Variants in SYT12 observed in about 807,000 individuals in gnomAD.
SYT12 encodes synaptotagmin 12.
A neutral mutation model predicts 39.5 loss-of-function variants in SYT12; 27 were observed. That is an observed-to-expected ratio of 0.68 (90% CI 0.50 to 0.94). The LOEUF (loss-of-function observed/expected upper bound fraction) is 0.94. Among genes scored for constraint, SYT12 ranks in the 40% least tolerant of loss-of-function variants. SYT12 has a pLI of 0.00. For missense variants in SYT12, 536 were observed against 572.6 expected, an observed-to-expected ratio of 0.94 and a Z score of 0.65; for synonymous variants, 233 against 239.7, an observed-to-expected ratio of 0.97 and a Z score of 0.26.
chr11:67,045,243 G>T (rs1950593986), intron 6 of SYT12, among the ~76,000 whole-genome samples: 1 of 151,784 alleles, frequency 6.6e-6, no homozygotes, highest in Non-Finnish European at 1.5e-5. Flanking sequence ...ACCAGGGGCT[G>T]GGGGAGCCTG....
chr11:67,037,356 G>A (rs1361247444), intron 3 of SYT12, among the ~76,000 whole-genome samples: 1 of 152,138 alleles, frequency 6.6e-6, no homozygotes, highest in African/African-American at 2.4e-5. Flanking sequence ...ATGTCCAACA[G>A]TGGGGAAGAG....
chr11:67,043,983 A>G (rs1950563284), intron 5 of SYT12, 130 bp downstream of exon 5: 2 of 900,544 alleles, frequency 2.2e-6, no homozygotes, highest in Non-Finnish European at 3.4e-6. Context: ...AGCAGAGAAG[A>G]AGACCTGAGC....
In SYT12 at chr11:67,043,703, C is replaced by T; in HGVS notation, c.687C>T (p.Ala229=). The change falls in exon 5 of 8, where the codon GCC becomes GCT. Residue 229 remains alanine, a synonymous_variant. Transcript: ENST00000527043. ...TCTCCATCCCCCTGGATCCCACAGC[C>T]CTGGAGGAGAAGAGCCTGCGGTTTT... ...EKFSIPLDPT[A]LEEKSLRFSV... The T allele has an allele frequency of 1.9e-6, 3 of 1,614,128 alleles. No individual in the cohort carries two copies. Among genetic ancestry groups the T allele is most frequent in the East Asian group, 2.2e-5 (1 of 44,888 alleles).
In SYT12 at chr11:67,050,419, C is replaced by G. The variant is rs1854716156; in HGVS notation, c.*1662C>G. The stretch of plus-strand genomic sequence containing the variant: ...CCATAACTGGTGAGCTATGGAGACC[C>G]AGGCCAACAAATTATCCCCAGTGAT... On this transcript the variant is annotated 3_prime_UTR_variant, in exon 8 of 8. Coordinates refer to ENST00000527043, the MANE Select transcript of SYT12 (RefSeq NM_177963.4). The G allele has an allele frequency of 6.6e-6, 1 of 152,542 alleles. No homozygotes were observed. The highest frequency in any genetic ancestry group is 2.1e-4 in the South Asian group (1 of 4,844). 9.4% of individuals were successfully genotyped at this position (152,542 alleles called of 1,614,324 possible). A position where few individuals can be genotyped will look rare whatever the true frequency, so the allele number is the denominator to read the frequency against.
At chr11:67,008,045 C>T (rs1949985144) in intron 1 of SYT12, among the ~76,000 whole-genome samples, 2 of 151,614 alleles carry the variant, frequency 1.3e-5, no homozygotes, top group Admixed American at 6.6e-5. Context: ...CCTCCGCCTC[C>T]CGGGTTCAAG....
chr11:67,026,299 T>G (rs1047607393), intron 1 of SYT12, among the ~76,000 whole-genome samples: 8 of 151,834 alleles, frequency 5.3e-5, no homozygotes, highest in Non-Finnish European at 1.0e-4. Context: ...TGAGATGGAG[T>G]TTTGCTCTTG....
chr11:67,035,565 C>A (rs1259423223), intron 3 of SYT12, among the ~76,000 whole-genome samples: 3 of 149,126 alleles, frequency 2.0e-5, no homozygotes, highest in African/African-American at 7.4e-5. Flanking sequence ...TCACGCCATT[C>A]TCCTGCCTCA....
intron 4 of SYT12, among the ~76,000 whole-genome samples, chr11:67,041,829 T>TG (rs1033038005): frequency 1.6e-4 from 25 of 152,300 alleles, no homozygotes; most frequent in African/African-American, 5.3e-4. Context: ...GGGAACCTGT[T>TG]GACACAGCCC....
intron 5 of SYT12, 79 bp downstream of exon 5, chr11:67,043,932 A>G (rs1950562480): frequency 2.3e-6 from 3 of 1,312,164 alleles, no homozygotes; most frequent in East Asian, 4.8e-5. Flanking sequence ...CATCATCCTC[A>G]TCATCCTCTG....
At chr11:67,039,741 CTT>C in intron 3 of SYT12, 68 bp from the exon 4 acceptor site, 1 of 1,523,962 alleles carries the variant, frequency 6.6e-7, no homozygotes, top group Non-Finnish European at 8.8e-7. Flanking sequence ...TTACTCATCT[CTT>C]TGCCGTCTCC....
At chr11:67,021,641 C>G (rs1401691708), upstream of SYT12, among the ~76,000 whole-genome samples, 1 of 152,090 alleles carries the variant, frequency 6.6e-6, no homozygotes, top group Non-Finnish European at 1.5e-5. Context: ...CCTTTTATGC[C>G]CTGATGATGT....
rs753940906 is a variant in SYT12, at chr11:67,044,598, C to T, written c.843C>T (p.Ala281=). 1.5e-5 allele frequency: 24 copies of T among 1,612,450 alleles called. No homozygotes were observed. Among genetic ancestry groups the T allele is most frequent in the South Asian group, 1.4e-4 (13 of 90,792 alleles). ...WLYLQDQNKA[A]DAVGEILLSL... ...GCCACCTGTCTGTCCCCCAGGCCGCCGATGCTGTGGGGGAGATCCTGCTCT... is the reference window on the plus strand; with the variant it reads ...GCCACCTGTCTGTCCCCCAGGCCGCTGATGCTGTGGGGGAGATCCTGCTCT... Residue 281 remains alanine, a synonymous_variant, in exon 6 of 8, where the codon GCC becomes GCT. Coordinates refer to ENST00000527043, the MANE Select transcript of SYT12 (RefSeq NM_177963.4).
chr11:67,030,530 C>G (rs767732200), intron 2 of SYT12: 1 of 253,846 alleles, frequency 3.9e-6, no homozygotes, highest in South Asian at 8.4e-5. Flanking sequence ...TGTCAAGTAG[C>G]CAAGGGAAAA....
upstream of SYT12, among the ~76,000 whole-genome samples, chr11:67,018,134 G>C (rs1479417930): frequency 1.3e-5 from 2 of 151,928 alleles, no homozygotes; most frequent in Non-Finnish European, 2.9e-5. Flanking sequence ...GTGGTGGCAT[G>C]TGCCTGTAAT....
intron 3 of SYT12, among the ~76,000 whole-genome samples, chr11:67,035,736 C>G (rs1237905940): frequency 6.6e-6 from 1 of 151,898 alleles, no homozygotes; most frequent in Admixed American, 6.6e-5. Flanking sequence ...GGATTACAGA[C>G]GTGAGCCACC....
Position 67,048,793 on chromosome 11 carries a change from G to A in SYT12, c.*36G>A, listed in dbSNP as rs201158165. ...GGGCCAGTTGGGCAATGGAGCTGCTGGAGCCCGGTACCCACTCAGCTCTGT... is the reference window on the plus strand; with the variant it reads ...GGGCCAGTTGGGCAATGGAGCTGCTAGAGCCCGGTACCCACTCAGCTCTGT... On this transcript the variant is annotated 3_prime_UTR_variant, in exon 8 of 8. Transcript: ENST00000527043. 5.1e-6 allele frequency: 8 copies of A among 1,576,608 alleles called. No individual in the cohort carries two copies. The highest frequency in any genetic ancestry group is 6.9e-6 in the Non-Finnish European group (8 of 1,156,048).
chr11:67,034,734 C>T lies in SYT12; in HGVS notation c.124C>T (p.Leu42Phe). 1 of 1,603,512 alleles carries T rather than the reference C, an allele frequency of 6.2e-7. No homozygotes were observed. The highest frequency in any genetic ancestry group is 8.5e-7 in the Non-Finnish European group (1 of 1,176,150). The change falls in exon 3 of 8, where the codon CTC becomes TTC. Residue 42 changes from leucine to phenylalanine, a missense_variant. Leu to Phe is a conservative substitution (Grantham distance 22, BLOSUM62 0). Transcript: ENST00000527043. ...LGIAAVSLWK[L>F]WTSGSFPSPS... Reference sequence around the variant, plus strand: ...AATCGCAGCTGTGAGCCTGTGGAAGCTCTGGACGTCGGGGAGCTTCCCCAG... The same window carrying T: ...AATCGCAGCTGTGAGCCTGTGGAAGTTCTGGACGTCGGGGAGCTTCCCCAG...
chr11:67,021,932 T>C (rs907866681), upstream of SYT12: 3 of 148,566 alleles, frequency 2.0e-5, no homozygotes, highest in Non-Finnish European at 4.4e-5. Context: ...CAGCTCTCTT[T>C]CTTTTTTTCT....
At chr11:67,038,155 A>G (rs1411402549) in intron 3 of SYT12, among the ~76,000 whole-genome samples, 1 of 150,284 alleles carries the variant, frequency 6.7e-6, no homozygotes, top group East Asian at 1.9e-4. Flanking sequence ...CTATTTATTT[A>G]TTTATTTATT....
Sources: gnomAD v4.1 joint callset for allele counts (sites outside exome capture counted in the v4.1 genomes callset) on GRCh38, gnomAD v4.1.1 for gene constraint, MANE v1.5 for transcripts, NCBI Gene and HGNC (gene_info 2026-07-23, HGNC 2026-07-21) for gene names.